PDZD2: variants seen among roughly 807,000 people sequenced by gnomAD.
PDZD2 encodes the protein PDZ domain-containing protein 2.
Under a neutral mutation model 220.7 loss-of-function variants are expected in PDZD2, and 90 were observed. The ratio of observed to expected loss-of-function variants is 0.41; its 90% CI spans 0.34 to 0.49. PDZD2 has a LOEUF of 0.49. PDZD2 is among the 20% of genes least tolerant of loss of function. The pLI is 0.28. For missense variants in PDZD2, 3,174 were observed against 3,608.5 expected, an observed-to-expected ratio of 0.88 and a Z score of 3.08; for synonymous variants, 1,375 against 1,450.5, an observed-to-expected ratio of 0.95 and a Z score of 1.18.
At chr5:31,978,418 G>T (rs1056861099) in intron 2 of PDZD2, among the ~76,000 whole-genome samples, 1 of 152,104 alleles carries the variant, frequency 6.6e-6, no homozygotes, top group Admixed American at 6.6e-5. Flanking sequence ...GTTGAAGGTG[G>T]TTTAAAGAAT....
At chr5:31,910,141 A>G (rs1244408763) in intron 2 of PDZD2, among the ~76,000 whole-genome samples, 1 of 151,704 alleles carries the variant, frequency 6.6e-6, no homozygotes, top group Non-Finnish European at 1.5e-5. Flanking sequence ...TAACTTACCT[A>G]TGCGCTCAAA....
At chr5:31,819,650 C>T in intron 2 of PDZD2, among the ~76,000 whole-genome samples, 1 of 86,048 alleles carries the variant, frequency 1.2e-5, no homozygotes, top group Non-Finnish European at 2.2e-5. Flanking sequence ...GAGCAAGACT[C>T]TGTCTCAAAA....
At chr5:31,952,035 G>C (rs187034290) in intron 2 of PDZD2, among the ~76,000 whole-genome samples, 36 of 152,066 alleles carry the variant, frequency 2.4e-4, no homozygotes, top group Admixed American at 2.0e-3. Context: ...TTTGGGTTTT[G>C]TTCTGTTTAA....
At position 32,091,999 on chromosome 5, in the gene PDZD2, C is replaced by T. The variant is rs58432456; in HGVS notation, c.7727+824C>T. 4.6e-4 allele frequency among the ~76,000 whole-genome samples: 70 copies of T among 152,200 alleles called. No homozygotes were observed. In the East Asian group the frequency reaches 0.013, roughly 27 times the overall value. On this transcript the variant is annotated intron_variant, in intron 20 of 24. Coordinates refer to ENST00000438447, the MANE Select transcript of PDZD2 (RefSeq NM_178140.4). ...TAAAAATATTTCACTTGAGGCCAGC[C>T]GTGGTGGCTCACACCTGTAATCCCA... is the stretch of plus-strand genomic sequence containing the variant.
At chr5:31,825,669 C>A (rs1561488542) in intron 2 of PDZD2, among the ~76,000 whole-genome samples, 1 of 152,140 alleles carries the variant, frequency 6.6e-6, no homozygotes, top group Non-Finnish European at 1.5e-5. Flanking sequence ...AGTTGAATTC[C>A]CAGTGGCCTC....
chr5:31,707,307 A>AAATT (rs34787186), intron 1 of PDZD2, among the ~76,000 whole-genome samples: 13 of 141,938 alleles, frequency 9.2e-5, no homozygotes, highest in Non-Finnish European at 1.7e-4. Context: ...TTTAATAAAT[A>AAATT]AATTAATTAA....
intron 19 of PDZD2, among the ~76,000 whole-genome samples, chr5:32,079,625 G>A (rs1350150863): frequency 1.3e-5 from 2 of 151,806 alleles, no homozygotes; most frequent in African/African-American, 4.8e-5. Flanking sequence ...TGGCCAACAT[G>A]GTGAAACCCA....
intron 14 of PDZD2, among the ~76,000 whole-genome samples, chr5:32,067,236 C>G (rs1740297647): frequency 2.0e-5 from 3 of 152,142 alleles, no homozygotes; most frequent in Non-Finnish European, 4.4e-5. Context: ...CAGGTCTAGT[C>G]AGGCTGAGAT....
intron 24 of PDZD2, chr5:32,106,276 G>T (rs1159445315): frequency 6.6e-6 from 1 of 152,318 alleles, no homozygotes; most frequent in Non-Finnish European, 1.5e-5. Flanking sequence ...TCACAATAGG[G>T]TTCACACTCA....
chr5:31,824,099 G>A lies in PDZD2; in HGVS notation c.476+24375G>A, dbSNP rs146775087. Among the ~76,000 whole-genome samples the A allele has an allele frequency of 4.0e-3, 602 of 152,276 alleles. 5 individuals are homozygous for A. Among genetic ancestry groups the A allele is most frequent in the African/African-American group, 0.012 (514 of 41,556 alleles). On this transcript the variant is annotated intron_variant, in intron 2 of 24. Transcript: ENST00000438447. ...TCTGATTTTAAGAAACAGCATGAAG[G>A]TCAAAGTGATCTTTTTGCACCTGCT...
chr5:31,882,237 A>G (rs1739996607), intron 2 of PDZD2, among the ~76,000 whole-genome samples: 1 of 152,204 alleles, frequency 6.6e-6, no homozygotes. Flanking sequence ...CTCTTAACAG[A>G]GGAGGAAGCT....
At chr5:31,886,639 A>ACTGTTACAGGT (rs1350732235) in intron 2 of PDZD2, among the ~76,000 whole-genome samples, 2 of 151,786 alleles carry the variant, frequency 1.3e-5, no homozygotes, top group Admixed American at 6.6e-5. Context: ...GGACCCAGTG[A>ACTGTTACAGGT]CTGTTACAGG....
chr5:31,695,244 G>C (rs1332980571), intron 1 of PDZD2, among the ~76,000 whole-genome samples: 1 of 152,198 alleles, frequency 6.6e-6, no homozygotes, highest in Non-Finnish European at 1.5e-5. Flanking sequence ...GAAACATTTT[G>C]GTCTGCCCGT....
At chr5:31,976,142 C>T (rs762999069) in intron 2 of PDZD2, among the ~76,000 whole-genome samples, 1 of 152,122 alleles carries the variant, frequency 6.6e-6, no homozygotes, top group Non-Finnish European at 1.5e-5. Flanking sequence ...GGAGGCGATA[C>T]CTGAGAGAGA....
intron 2 of PDZD2, among the ~76,000 whole-genome samples, chr5:31,862,101 G>GTTTTTT (rs11417935): frequency 2.5e-4 from 20 of 78,496 alleles, no homozygotes; most frequent in African/African-American, 5.3e-4. Context: ...TTTTTTTTGG[G>GTTTTTT]TTTTTTTTTT....
At chr5:31,874,358 T>C (rs548346005) in intron 2 of PDZD2, among the ~76,000 whole-genome samples, 1 of 152,338 alleles carries the variant, frequency 6.6e-6, no homozygotes, top group Non-Finnish European at 1.5e-5. Context: ...CTGCCCTGTT[T>C]ATGTTACGTG....
intron 2 of PDZD2, among the ~76,000 whole-genome samples, chr5:31,953,792 C>T (rs1011458063): frequency 4.6e-5 from 7 of 151,902 alleles, no homozygotes; most frequent in African/African-American, 1.2e-4. Context: ...GCTGGGACTA[C>T]AGGCATGTGC....
intron 1 of PDZD2, among the ~76,000 whole-genome samples, chr5:31,663,891 G>T (rs995385525): frequency 6.6e-6 from 1 of 152,066 alleles, no homozygotes; most frequent in Non-Finnish European, 1.5e-5. Context: ...GGGCACAAGT[G>T]TGTGCTTGCA....
intron 2 of PDZD2, among the ~76,000 whole-genome samples, chr5:31,884,987 C>T (rs769911491): frequency 3.3e-5 from 5 of 151,662 alleles, no homozygotes; most frequent in South Asian, 2.1e-4. Flanking sequence ...GTTTGTGGGA[C>T]GATGCCATAA....
Sources: allele counts gnomAD v4.1 joint callset (sites outside exome capture counted in the v4.1 genomes callset), GRCh38; gene constraint gnomAD v4.1.1; transcripts MANE v1.5; gene names NCBI Gene and HGNC (gene_info 2026-07-23, HGNC 2026-07-21).